The following AGBL4 variants were observed in gnomAD, a reference collection of about 807,000 sequenced individuals.
AGBL4 encodes the protein cytosolic carboxypeptidase 6.
In AGBL4, 58 loss-of-function variants were observed where a neutral mutation model predicts 66.4. The ratio of observed to expected loss-of-function variants is 0.87; its 90% CI spans 0.71 to 1.09. The LOEUF (loss-of-function observed/expected upper bound fraction) is 1.09, where lower values mean the gene tolerates loss of function less well. AGBL4 is among the 50% of genes least tolerant of loss of function. The pLI is 0.00. For synonymous variants in AGBL4, 234 were observed against 222.9 expected (o/e 1.05, Z -0.44); for missense variants, 579 against 631.0 (o/e 0.92, Z 0.88).
At chr1:49,088,055 A>G (rs1644939007) in intron 4 of AGBL4, among the ~76,000 whole-genome samples, 1 of 152,228 alleles carries the variant, frequency 6.6e-6, no homozygotes, top group African/African-American at 2.4e-5. Context: ...ATTACCATCC[A>G]ATTTGCCTTA....
intron 3 of AGBL4, among the ~76,000 whole-genome samples, chr1:49,502,756 C>CGTAAAGAGA: frequency 6.6e-6 from 1 of 151,950 alleles, no homozygotes; most frequent in Admixed American, 6.6e-5. Flanking sequence ...GTATTTTACC[C>CGTAAAGAGA]CTGCCCTAGA....
intron 5 of AGBL4, among the ~76,000 whole-genome samples, chr1:48,927,638 AT>A (rs574743831): frequency 1.4e-3 from 218 of 152,302 alleles, no homozygotes; most frequent in Non-Finnish European, 2.1e-3. Context: ...AGTGGGCAAG[AT>A]GGATAACACT....
At chr1:49,676,257 T>C (rs1410962531) in intron 3 of AGBL4, among the ~76,000 whole-genome samples, 1 of 152,012 alleles carries the variant, frequency 6.6e-6, no homozygotes, top group Non-Finnish European at 1.5e-5. Context: ...TCCATTAAGA[T>C]AGTGTTATTT....
At chr1:49,097,099 C>T (rs917349871) in intron 4 of AGBL4, among the ~76,000 whole-genome samples, 1 of 152,104 alleles carries the variant, frequency 6.6e-6, no homozygotes. Context: ...TTGTTGTATG[C>T]CACTAAGTTT....
intron 3 of AGBL4, among the ~76,000 whole-genome samples, chr1:49,338,246 A>G (rs1182805819): frequency 6.6e-6 from 1 of 152,138 alleles, no homozygotes; most frequent in African/African-American, 2.4e-5. Context: ...AGAATATGGA[A>G]TACATAACTT....
chr1:48,606,191 G>A (rs1645151294), intron 9 of AGBL4, among the ~76,000 whole-genome samples: 1 of 36,746 alleles, frequency 2.7e-5, no homozygotes, highest in Admixed American at 1.5e-4. Flanking sequence ...GTTGTGCTTG[G>A]GCTTTTTTTT....
chr1:49,697,641 A>G (rs1216302739), intron 2 of AGBL4, among the ~76,000 whole-genome samples: 1 of 152,144 alleles, frequency 6.6e-6, no homozygotes, highest in Non-Finnish European at 1.5e-5. Context: ...CTGTGGTGCA[A>G]GCTTCTCTGC....
intron 3 of AGBL4, among the ~76,000 whole-genome samples, chr1:49,463,820 T>C (rs1057004099): frequency 6.6e-6 from 1 of 151,772 alleles, no homozygotes; most frequent in Non-Finnish European, 1.5e-5. Flanking sequence ...GCTAAGAGTA[T>C]AAATAACATC....
chr1:49,253,609 C>A (rs765041534), intron 3 of AGBL4, among the ~76,000 whole-genome samples: 18 of 152,026 alleles, frequency 1.2e-4, no homozygotes, highest in Non-Finnish European at 2.5e-4. Context: ...AGAAGTGTTA[C>A]CATTCCTACT....
intron 3 of AGBL4, among the ~76,000 whole-genome samples, chr1:49,684,339 T>G (rs978912244): frequency 1.3e-5 from 2 of 152,296 alleles, no homozygotes; most frequent in South Asian, 2.1e-4. Flanking sequence ...CCAGTTTCAT[T>G]TGCATAAAGA....
At chr1:49,645,826 T>C (rs1202550068) in intron 3 of AGBL4, among the ~76,000 whole-genome samples, 1 of 150,830 alleles carries the variant, frequency 6.6e-6, no homozygotes, top group East Asian at 1.9e-4. Context: ...AAAAGGATAT[T>C]AAATAATGGC....
At chr1:49,996,269 G>C (rs1660362049) in intron 1 of AGBL4, 1 of 152,098 alleles carries the variant, frequency 6.6e-6, no homozygotes, top group Non-Finnish European at 1.5e-5. Flanking sequence ...GCTACTCAAG[G>C]AGGCACCAGA....
chr1:48,597,646 C>A (rs1645013677), intron 9 of AGBL4, among the ~76,000 whole-genome samples: 1 of 128,486 alleles, frequency 7.8e-6, no homozygotes, highest in Non-Finnish European at 1.6e-5. Flanking sequence ...TTTTCCTGTA[C>A]AAACAGAAGA....
At chr1:49,324,234 G>GA (rs1202895726) in intron 3 of AGBL4, among the ~76,000 whole-genome samples, 1 of 152,104 alleles carries the variant, frequency 6.6e-6, no homozygotes, top group East Asian at 1.9e-4. Context: ...GTCTTCTGAA[G>GA]AAAAAAGAGA....
intron 1 of AGBL4, among the ~76,000 whole-genome samples, chr1:49,965,209 C>A (rs144295422): frequency 1.3e-5 from 2 of 152,158 alleles, no homozygotes. Context: ...TAAGTGAGCA[C>A]CTACATATGC....
At chr1:49,629,663 C>T (rs1645532377) in intron 3 of AGBL4, among the ~76,000 whole-genome samples, 1 of 152,106 alleles carries the variant, frequency 6.6e-6, no homozygotes. Context: ...GATGCTTTGT[C>T]AATAGTACTT....
chr1:48,799,193 C>A (rs995746103), intron 6 of AGBL4, among the ~76,000 whole-genome samples: 12 of 152,108 alleles, frequency 7.9e-5, no homozygotes, highest in Non-Finnish European at 1.5e-5. Context: ...TGATTTCTTT[C>A]AGCAGTGTTT....
chr1:49,407,197 G>A (rs1478694056), intron 3 of AGBL4, among the ~76,000 whole-genome samples: 1 of 151,156 alleles, frequency 6.6e-6, no homozygotes, highest in African/African-American at 2.4e-5. Context: ...TAAACTTTAA[G>A]TAAGCAGATT....
At chr1:49,441,606 T>TAGATC in intron 3 of AGBL4, among the ~76,000 whole-genome samples, 1 of 152,120 alleles carries the variant, frequency 6.6e-6, no homozygotes, top group Non-Finnish European at 1.5e-5. Context: ...AGAAATAGAT[T>TAGATC]TGTGAGGGCA....
Sources: gnomAD v4.1 joint callset for allele counts (sites outside exome capture counted in the v4.1 genomes callset) on GRCh38, gnomAD v4.1.1 for gene constraint, MANE v1.5 for transcripts, NCBI Gene and HGNC (gene_info 2026-07-23, HGNC 2026-07-21) for gene names.